Variants in WNT6 observed in about 807,000 individuals in gnomAD.
WNT6 encodes the protein Wnt family member 6.
WNT6 carries 27 observed loss-of-function variants against 33.1 expected under a neutral mutation model. The observed-to-expected ratio is 0.82, with a 90% CI of 0.60 to 1.12. The LOEUF is 1.12. Ranked by LOEUF, WNT6 falls within the 50% of genes most tolerant of loss-of-function variation. The pLI, the probability that WNT6 is intolerant of heterozygous loss-of-function variation, is 0.00. For missense variants in WNT6, 494 were observed against 535.3 expected, an observed-to-expected ratio of 0.92 and a Z score of 0.76; for synonymous variants, 249 against 242.8, an observed-to-expected ratio of 1.03 and a Z score of -0.24.
At chr2:218,862,746 C>A (rs2106001971) in intron 1 of WNT6, among the ~76,000 whole-genome samples, 1 of 152,042 alleles carries the variant, frequency 6.6e-6, no homozygotes, top group African/African-American at 2.4e-5. Flanking sequence ...CGTTGTGTCG[C>A]CCAGGCTGGA....
Position 218,871,951 on chromosome 2 carries a change from C to T in WNT6, c.636+132C>T. 8.7e-6 allele frequency: 7 copies of T among 801,430 alleles called. No homozygotes were observed. The highest frequency in any genetic ancestry group is 1.3e-5 in the Non-Finnish European group (7 of 552,250). 49.6% of individuals were successfully genotyped at this position (801,430 alleles called of 1,614,324 possible). Reference sequence around the variant, plus strand: ...GCGTTAATGTGTGGGGGAGTGCGCACGGGCGGAAAGATGGGCTGCAAGCAT... The same window carrying T: ...GCGTTAATGTGTGGGGGAGTGCGCATGGGCGGAAAGATGGGCTGCAAGCAT... On this transcript the variant is annotated intron_variant, in intron 3 of 3. Transcript: ENST00000233948. This position sits in a 1 kb window ranked among gnomAD's most constrained non-coding sequence, Gnocchi z 6.4.
At chr2:218,870,070 A>C (rs1353435283) in intron 1 of WNT6, among the ~76,000 whole-genome samples, 1 of 152,092 alleles carries the variant, frequency 6.6e-6, no homozygotes, top group Non-Finnish European at 1.5e-5. Flanking sequence ...AGTACAAAAA[A>C]ATTAGCCAGG....
chr2:218,868,011 C>A (rs1944366927), intron 1 of WNT6, among the ~76,000 whole-genome samples: 1 of 152,150 alleles, frequency 6.6e-6, no homozygotes, highest in Admixed American at 6.5e-5. Context: ...CCCTGCCACG[C>A]CCCTTCTGGA....
chr2:218,863,462 G>T (rs1944327899), intron 1 of WNT6, among the ~76,000 whole-genome samples: 1 of 152,190 alleles, frequency 6.6e-6, no homozygotes, highest in African/African-American at 2.4e-5. Context: ...CTTGGAATTG[G>T]CTCGGAGACC....
Position 218,871,943 on chromosome 2 carries a change from A to T in WNT6, c.636+124A>T. Reference sequence around the variant, plus strand: ...GGAGGGGGGCGTTAATGTGTGGGGGAGTGCGCACGGGCGGAAAGATGGGCT... The same window carrying T: ...GGAGGGGGGCGTTAATGTGTGGGGGTGTGCGCACGGGCGGAAAGATGGGCT... On this transcript the variant is annotated intron_variant, in intron 3 of 3. Coordinates refer to ENST00000233948, the MANE Select transcript of WNT6 (RefSeq NM_006522.4). The surrounding 1 kb of genome is among the most constrained non-coding windows in gnomAD (Gnocchi z 6.4). 5 of 235,366 alleles carry T rather than the reference A, an allele frequency of 2.1e-5. No individual in the cohort carries two copies. Among genetic ancestry groups the T allele is most frequent in the Non-Finnish European group, 3.0e-5 (4 of 132,304 alleles). 14.6% of individuals were successfully genotyped at this position (235,366 alleles called of 1,614,324 possible).
At chr2:218,870,761 A>G (rs1190307678) in intron 1 of WNT6, among the ~76,000 whole-genome samples, 1 of 152,202 alleles carries the variant, frequency 6.6e-6, no homozygotes, top group South Asian at 2.1e-4. Flanking sequence ...TAAAATTTCT[A>G]TAAGAATTTA....
intron 1 of WNT6, among the ~76,000 whole-genome samples, chr2:218,868,897 T>C (rs1268616960): frequency 1.3e-5 from 2 of 152,150 alleles, no homozygotes; most frequent in African/African-American, 4.8e-5. Flanking sequence ...CATAGTCTTA[T>C]CTCCTGACCC....
Position 218,867,759 on chromosome 2 carries a change from G to A in WNT6, c.81-3268G>A, listed in dbSNP as rs543352888. ...CAATGCTGACCCAAAGGCCTGAAAA[G>A]CAGAGTTCACTCCCTAAGGAAGCAT... On this transcript the variant is annotated intron_variant, in intron 1 of 3. Coordinates refer to ENST00000233948, the MANE Select transcript of WNT6 (RefSeq NM_006522.4). This position sits in a 1 kb window ranked among gnomAD's most constrained non-coding sequence, Gnocchi z 4.9. Among the ~76,000 whole-genome samples, 13 of 152,350 alleles carry A rather than the reference G, an allele frequency of 8.5e-5. 1 individual carries two copies. The South Asian group carries it at 2.7e-3, about 32-fold the overall frequency.
chr2:218,873,623 C>A lies in WNT6; in HGVS notation c.876C>A (p.Asp292Glu). The change falls in exon 4 of 4, where the codon GAC (aspartate) becomes GAA (glutamate). Residue 292 changes from aspartate (D) to glutamate (E), a missense_variant. By Grantham distance (45) the Asp-to-Glu change is conservative. Coordinates refer to ENST00000233948, the MANE Select transcript of WNT6 (RefSeq NM_006522.4). This position sits in a 1 kb window ranked among gnomAD's most constrained non-coding sequence, Gnocchi z 6.1. ...TCCTCTACGCCGCCGATTCGCCCGA[C>A]TTCTGCGCCCCCAACCGACGCACCG... ...ADLLYAADSPDFCAPNRRTGS... is the reference protein window; with the variant it reads ...ADLLYAADSPEFCAPNRRTGS... 6.3e-7 allele frequency: 1 copy of A among 1,576,788 alleles called. No homozygotes were observed. Among genetic ancestry groups the A allele is most frequent in the African/African-American group, 1.4e-5 (1 of 73,384 alleles).
intron 1 of WNT6, among the ~76,000 whole-genome samples, chr2:218,864,187 A>AGC (rs1409607694): frequency 6.6e-6 from 1 of 152,154 alleles, no homozygotes; most frequent in Non-Finnish European, 1.5e-5. Context: ...TGTAGTAAAG[A>AGC]GCTCACTCTC....
At chr2:218,860,204 C>A in intron 1 of WNT6, 87 bp downstream of exon 1, 1 of 1,232,768 alleles carries the variant, frequency 8.1e-7, no homozygotes, top group Non-Finnish European at 1.1e-6. Flanking sequence ...CCGCAGCCTC[C>A]CGGCTCTACC....
chr2:218,871,318 G>A lies in WNT6; in HGVS notation c.301+71G>A. The A allele has an allele frequency of 3.9e-6, 6 of 1,534,536 alleles. No individual in the cohort carries two copies. Among genetic ancestry groups the A allele is most frequent in the Non-Finnish European group, 5.3e-6 (6 of 1,129,664 alleles). ...GTGGGACCCGAGGAGAGGAGAACTG[G>A]TTCGCTGAAGTTGCCTGAGCCCCAC... On this transcript the variant is annotated intron_variant, in intron 2 of 3. Coordinates refer to ENST00000233948, the MANE Select transcript of WNT6 (RefSeq NM_006522.4). The surrounding 1 kb of genome is among the most constrained non-coding windows in gnomAD (Gnocchi z 6.4).
At chr2:218,869,715 C>G (rs557085752) in intron 1 of WNT6, among the ~76,000 whole-genome samples, 1 of 152,298 alleles carries the variant, frequency 6.6e-6, no homozygotes, top group South Asian at 2.1e-4. Context: ...GTATGAATCC[C>G]TAAGGAATTA....
intron 1 of WNT6, among the ~76,000 whole-genome samples, chr2:218,863,713 G>A (rs774898161): frequency 2.0e-5 from 3 of 152,240 alleles, no homozygotes; most frequent in Non-Finnish European, 4.4e-5. Flanking sequence ...GCCAGGAGTG[G>A]TGGCAGGTGC....
intron 1 of WNT6, among the ~76,000 whole-genome samples, chr2:218,860,411 C>T (rs997898168): frequency 6.6e-6 from 1 of 152,120 alleles, no homozygotes; most frequent in African/African-American, 2.4e-5. Flanking sequence ...GACACATATC[C>T]GAGGAAAAGA....
At position 218,864,855 on chromosome 2, in the gene WNT6, C is replaced by T. The variant is rs76332400; in HGVS notation, c.80+4738C>T. Among the ~76,000 whole-genome samples, 267 of 152,356 alleles carry T rather than the reference C, an allele frequency of 1.8e-3. 1 individual carries two copies. The highest frequency in any genetic ancestry group is 5.9e-3 in the African/African-American group (244 of 41,584). On this transcript the variant is annotated intron_variant, in intron 1 of 3. Coordinates refer to ENST00000233948, the MANE Select transcript of WNT6 (RefSeq NM_006522.4). ...TCTTTATCTGGGGCCCCTGACCCATCGTGGGCAGTCCTGTTGCTGGCCCCT... is the reference window on the plus strand; with the variant it reads ...TCTTTATCTGGGGCCCCTGACCCATTGTGGGCAGTCCTGTTGCTGGCCCCT...
In WNT6 at chr2:218,873,149, C is replaced by T. The variant is rs181397345; in HGVS notation, c.637-235C>T. 2.6e-5 allele frequency among the ~76,000 whole-genome samples: 4 copies of T among 152,250 alleles called. No individual in the cohort carries two copies. Among genetic ancestry groups the T allele is most frequent in the African/African-American group, 7.2e-5 (3 of 41,542 alleles). On this transcript the variant is annotated intron_variant, in intron 3 of 3. Transcript: ENST00000233948. The surrounding 1 kb of genome is among the most constrained non-coding windows in gnomAD (Gnocchi z 6.1). ...TGGAATCTCTGCGCTGCATATTGTC[C>T]CCGTCTCCCCTCTTCGTCATCATCA...
At chr2:218,866,454 G>A (rs531987772) in intron 1 of WNT6, among the ~76,000 whole-genome samples, 2 of 152,250 alleles carry the variant, frequency 1.3e-5, no homozygotes, top group East Asian at 3.9e-4. Context: ...CAGAGAGTTG[G>A]AGAAAAGGGT....
intron 1 of WNT6, among the ~76,000 whole-genome samples, chr2:218,869,323 C>T (rs778438970): frequency 6.6e-6 from 1 of 152,192 alleles, no homozygotes; most frequent in Admixed American, 6.5e-5. Context: ...ACCACCTCTT[C>T]AAGCATCTCC....
Sources: allele counts gnomAD v4.1 joint callset (sites outside exome capture counted in the v4.1 genomes callset), GRCh38; gene constraint gnomAD v4.1.1; non-coding constraint Gnocchi (gnomAD v3.1); transcripts MANE v1.5; gene names NCBI Gene and HGNC (gene_info 2026-07-23, HGNC 2026-07-21).